SLC25A13: variants seen among roughly 807,000 people sequenced by gnomAD.
The protein encoded by SLC25A13 is electrogenic aspartate/glutamate antiporter SLC25A13, mitochondrial.
SLC25A13 carries 70 observed loss-of-function variants against 85.5 expected under a neutral mutation model. That is an observed-to-expected ratio of 0.82 (90% CI 0.68 to 1.00). The LOEUF is 1.00. Among genes scored for constraint, SLC25A13 ranks in the 50% least tolerant of loss-of-function variants. The pLI, the probability that SLC25A13 is intolerant of heterozygous loss-of-function variation, is 0.00. For missense variants in SLC25A13, 765 were observed against 819.8 expected, an observed-to-expected ratio of 0.93 and a Z score of 0.82; for synonymous variants, 259 against 288.7, an observed-to-expected ratio of 0.90 and a Z score of 1.04.
chr7:96,319,245 C>A (rs1186055399), intron 1 of SLC25A13, among the ~76,000 whole-genome samples: 1 of 152,178 alleles, frequency 6.6e-6, no homozygotes, highest in Admixed American at 6.5e-5. Context: ...CGTTCACTCA[C>A]AGCATATAAA....
chr7:96,172,991 C>T (rs1794070382), intron 11 of SLC25A13, among the ~76,000 whole-genome samples: 1 of 152,228 alleles, frequency 6.6e-6, no homozygotes, highest in Admixed American at 6.5e-5. Context: ...ATCTCCTGAC[C>T]TCATGATCCG....
intron 4 of SLC25A13, among the ~76,000 whole-genome samples, chr7:96,231,102 G>C (rs755548403): frequency 2.6e-5 from 4 of 152,018 alleles, no homozygotes; most frequent in Non-Finnish European, 5.9e-5. Context: ...TAGAGCAAGA[G>C]TTCATCTGAA....
At chr7:96,259,345 G>A (rs1797758582) in intron 3 of SLC25A13, among the ~76,000 whole-genome samples, 3 of 151,870 alleles carry the variant, frequency 2.0e-5, no homozygotes, top group Admixed American at 2.0e-4. Flanking sequence ...GAATCTACAA[G>A]GAACTTAAAT....
At chr7:96,208,787 G>C (rs749218434) in intron 5 of SLC25A13, 51 bp downstream of exon 5, 1 of 1,609,230 alleles carries the variant, frequency 6.2e-7, no homozygotes, top group South Asian at 1.1e-5. Flanking sequence ...TTATAGGTGT[G>C]AGCCACCGTG....
intron 5 of SLC25A13, among the ~76,000 whole-genome samples, chr7:96,200,100 A>G (rs1049691010): frequency 2.0e-5 from 3 of 152,054 alleles, no homozygotes; most frequent in Non-Finnish European, 1.5e-5. Context: ...ATAAATATAT[A>G]TATTTTTTGA....
chr7:96,202,107 A>G (rs1376510723), intron 5 of SLC25A13, among the ~76,000 whole-genome samples: 1 of 152,218 alleles, frequency 6.6e-6, no homozygotes, highest in Non-Finnish European at 1.5e-5. Context: ...ATAATGGTCA[A>G]TCTGCTTTCT....
Position 96,225,079 on chromosome 7 carries a change from A to G in SLC25A13, c.328+9723T>C, listed in dbSNP as rs189998591. ...AAAAATACTTAGCCCAGAGGTTGGCATGTATTTTAAAATAAAAATGATGGT... is the reference window on the plus strand; with the variant it reads ...AAAAATACTTAGCCCAGAGGTTGGCGTGTATTTTAAAATAAAAATGATGGT... On this transcript the variant is annotated intron_variant, in intron 4 of 17. Coordinates refer to ENST00000265631, the MANE Select transcript of SLC25A13 (RefSeq NM_014251.3). Among the ~76,000 whole-genome samples the G allele has an allele frequency of 1.4e-4, 21 of 152,352 alleles. No individual in the cohort carries two copies. In the East Asian group the frequency reaches 4.0e-3, roughly 29 times the overall value.
At chr7:96,221,498 T>G (rs1294792419) in intron 4 of SLC25A13, among the ~76,000 whole-genome samples, 1 of 152,216 alleles carries the variant, frequency 6.6e-6, no homozygotes, top group Non-Finnish European at 1.5e-5. Flanking sequence ...GTAACGTTTC[T>G]TCTGATTCTT....
rs1186332657 is a variant in SLC25A13, at chr7:96,133,909, A to C, written c.1453-2028T>G. ...GCATTCCAGCCAGGGCAACAGAGTA[A>C]GACTCCATCTTAATAAAAAACATAA... is the stretch of plus-strand genomic sequence containing the variant. On this transcript the variant is annotated intron_variant, in intron 14 of 17. Coordinates refer to ENST00000265631, the MANE Select transcript of SLC25A13 (RefSeq NM_014251.3). 2.0e-5 allele frequency among the ~76,000 whole-genome samples: 3 copies of C among 151,924 alleles called. No homozygotes were observed. The South Asian group carries it at 6.2e-4, about 32-fold the overall frequency.
At chr7:96,245,544 C>A (rs953807497) in intron 3 of SLC25A13, among the ~76,000 whole-genome samples, 7 of 152,156 alleles carry the variant, frequency 4.6e-5, no homozygotes, top group African/African-American at 1.2e-4. Flanking sequence ...CATTTAAAAA[C>A]CCCGAAAAGC....
intron 2 of SLC25A13, among the ~76,000 whole-genome samples, chr7:96,284,473 T>C (rs1484881693): frequency 6.6e-6 from 1 of 152,240 alleles, no homozygotes; most frequent in African/African-American, 2.4e-5. Context: ...TAATTCACTA[T>C]GTTACTCTGT....
At chr7:96,214,901 T>C (rs76833539) in intron 4 of SLC25A13, among the ~76,000 whole-genome samples, 1 of 152,044 alleles carries the variant, frequency 6.6e-6, no homozygotes, top group Non-Finnish European at 1.5e-5. Context: ...ACACATCCCA[T>C]GTTCACGGAT....
At chr7:96,296,497 T>TTTTTC (rs1554381938) in intron 2 of SLC25A13, among the ~76,000 whole-genome samples, 1 of 149,396 alleles carries the variant, frequency 6.7e-6, no homozygotes, top group Non-Finnish European at 1.5e-5. Flanking sequence ...TTTTTTTTTT[T>TTTTTC]CTTGAGACAG....
chr7:96,174,435 G>A (rs1252866201), intron 11 of SLC25A13, among the ~76,000 whole-genome samples: 1 of 152,194 alleles, frequency 6.6e-6, no homozygotes. Flanking sequence ...TCTATAATAG[G>A]AGAAGGCTTG....
intron 1 of SLC25A13, among the ~76,000 whole-genome samples, chr7:96,301,683 C>T (rs1350840958): frequency 6.6e-6 from 1 of 150,972 alleles, no homozygotes; most frequent in African/African-American, 2.4e-5. Context: ...GGCTGGAGTG[C>T]AGTGGTGCGA....
chr7:96,234,793 G>A lies in SLC25A13; in HGVS notation c.328+9C>T, dbSNP rs1465563737. The A allele has an allele frequency of 6.2e-7, 1 of 1,601,072 alleles. No individual in the cohort carries two copies. Among genetic ancestry groups the A allele is most frequent in the Admixed American group, 1.7e-5 (1 of 59,784 alleles). On this transcript the variant is annotated intron_variant, in intron 4 of 17. Coordinates refer to ENST00000265631, the MANE Select transcript of SLC25A13 (RefSeq NM_014251.3). ...CTTACACAGACGTGCACAGAAGCAT[G>A]CTTCTTACCAAAAGTTACTTCTCCT... is the stretch of plus-strand genomic sequence containing the variant.
chr7:96,164,438 A>G (rs1203497035), intron 13 of SLC25A13, among the ~76,000 whole-genome samples: 6 of 152,206 alleles, frequency 3.9e-5, no homozygotes, highest in African/African-American at 1.2e-4. Flanking sequence ...AAAAGAACAG[A>G]TTATTGTTTT....
Position 96,322,068 on chromosome 7 carries a change from C to A in SLC25A13, c.-112G>T. On this transcript the variant is annotated 5_prime_UTR_variant, in exon 1 of 18. Transcript: ENST00000265631. ...GGCGGCGGCGGTGGGGGCGGCGATA[C>A]GGCCAGGCAGCGTGCGTTCCTGGCC... The A allele has an allele frequency of 7.1e-7, 1 of 1,416,366 alleles. No individual in the cohort carries two copies. 87.7% of individuals were successfully genotyped at this position (1,416,366 alleles called of 1,614,324 possible).
intron 1 of SLC25A13, among the ~76,000 whole-genome samples, chr7:96,311,251 C>T (rs1204357236): frequency 2.0e-5 from 3 of 152,140 alleles, no homozygotes; most frequent in South Asian, 2.1e-4. Flanking sequence ...CTGACCAAAA[C>T]GTAACATCAC....
Sources: gnomAD v4.1 joint callset for allele counts (sites outside exome capture counted in the v4.1 genomes callset) on GRCh38, gnomAD v4.1.1 for gene constraint, MANE v1.5 for transcripts, NCBI Gene and HGNC (gene_info 2026-07-23, HGNC 2026-07-21) for gene names.